Variants in FAT4 observed in about 807,000 individuals in gnomAD.
FAT4 encodes the protein protocadherin Fat 4.
A neutral mutation model predicts 303.9 loss-of-function variants in FAT4; 84 were observed. That is an observed-to-expected ratio of 0.28 (90% CI 0.23 to 0.33). FAT4 has a LOEUF of 0.33. FAT4 is among the 10% of genes least tolerant of loss of function. The probability of loss-of-function intolerance (pLI) is 1.00; values close to 1 mark genes in which losing one functional copy is unlikely to be tolerated. For missense variants in FAT4, 6,005 were observed against 6,146.8 expected (o/e 0.98, Z 0.77); for synonymous variants, 2,307 against 2,298.8 (o/e 1.00, Z -0.10).
chr4:125,414,094 A>T (rs1465764720), intron 5 of FAT4, among the ~76,000 whole-genome samples: 1 of 151,980 alleles, frequency 6.6e-6, no homozygotes, highest in African/African-American at 2.4e-5. Flanking sequence ...TTCTGTTTTC[A>T]CTGCTTATTT....
intron 2 of FAT4, among the ~76,000 whole-genome samples, chr4:125,349,305 T>C (rs1732130805): frequency 6.6e-6 from 1 of 151,804 alleles, no homozygotes; most frequent in Non-Finnish European, 1.5e-5. Context: ...ATCTATACTA[T>C]ATTAACACAT....
chr4:125,449,944 T>C lies in FAT4; in HGVS notation c.8934T>C (p.Ser2978=). The part of the protein sequence containing the change: ...ETTVTINIVD[S]NDNAPQFLKS... ...CAGTTACCATCAATATAGTGGACAGTAATGACAATGCACCTCAATTTCTTA... is the reference window on the plus strand; with the variant it reads ...CAGTTACCATCAATATAGTGGACAGCAATGACAATGCACCTCAATTTCTTA... Residue 2978 remains serine (S), a synonymous_variant, in exon 10 of 18, where the codon AGT becomes AGC. Transcript: ENST00000394329. 6.2e-7 allele frequency: 1 copy of C among 1,613,876 alleles called. No homozygotes were observed. The highest frequency in any genetic ancestry group is 8.5e-7 in the Non-Finnish European group (1 of 1,179,908).
chr4:125,339,752 A>T (rs1001394297), intron 2 of FAT4, among the ~76,000 whole-genome samples: 1 of 152,182 alleles, frequency 6.6e-6, no homozygotes, highest in Non-Finnish European at 1.5e-5. Flanking sequence ...AATTAGGAAG[A>T]CCTAGAGCCA....
chr4:125,423,357 G>A (rs1560813641), intron 7 of FAT4, among the ~76,000 whole-genome samples: 1 of 152,140 alleles, frequency 6.6e-6, no homozygotes, highest in East Asian at 1.9e-4. Context: ...ACCTAGGGAT[G>A]TGGTGCCCCA....
At chr4:125,421,425 T>A (rs894923150) in intron 7 of FAT4, among the ~76,000 whole-genome samples, 45 of 152,356 alleles carry the variant, frequency 3.0e-4, no homozygotes, top group African/African-American at 9.6e-4. Context: ...ATTTTGGTGT[T>A]CACATAAATT....
chr4:125,458,980 A>G (rs939171361), intron 10 of FAT4, among the ~76,000 whole-genome samples: 2 of 152,028 alleles, frequency 1.3e-5, no homozygotes, highest in African/African-American at 4.8e-5. Context: ...TTTGGAAAAT[A>G]TATAAGATAA....
At chr4:125,404,262 G>C (rs1734501781) in intron 3 of FAT4, among the ~76,000 whole-genome samples, 1 of 151,768 alleles carries the variant, frequency 6.6e-6, no homozygotes, top group South Asian at 2.1e-4. Context: ...GGCCCCAACT[G>C]TATTCACAAT....
intron 12 of FAT4, among the ~76,000 whole-genome samples, chr4:125,469,823 A>C (rs1364402049): frequency 6.6e-6 from 1 of 152,058 alleles, no homozygotes. Flanking sequence ...ACTCCTTTTA[A>C]TATTTGATAT....
intron 7 of FAT4, among the ~76,000 whole-genome samples, chr4:125,424,906 G>A (rs1725036721): frequency 6.6e-6 from 1 of 152,130 alleles, no homozygotes; most frequent in Non-Finnish European, 1.5e-5. Context: ...GCACGAATCA[G>A]GCATGAGTCC....
At position 125,491,668 on chromosome 4, in the gene FAT4, A is replaced by G. The variant is rs1242037646; in HGVS notation, c.14852A>G (p.Asp4951Gly). 2.5e-6 allele frequency: 4 copies of G among 1,614,068 alleles called. No homozygotes were observed. The highest frequency in any genetic ancestry group is 1.7e-6 in the Non-Finnish European group (2 of 1,180,032). The stretch of plus-strand genomic sequence containing the variant: ...GGCCATTATGTAGATGTTTTTAAAG[A>G]TTTGGCATCTCTTCCAGAAAAAGCA... ...GFGHYVDVFK[D>G]LASLPEKAAA... Residue 4951 changes from aspartate to glycine, a missense_variant, in exon 18 of 18, where the codon GAT becomes GGT. Transcript: ENST00000394329.
At chr4:125,410,130 ACTTT>A (rs1220224636) in intron 5 of FAT4, among the ~76,000 whole-genome samples, 18 of 152,104 alleles carry the variant, frequency 1.2e-4, no homozygotes, top group Non-Finnish European at 2.9e-5. Flanking sequence ...AATGGGAAAT[ACTTT>A]CTTTAGAATT....
At chr4:125,415,844 A>T in intron 6 of FAT4, 38 bp downstream of exon 6, 1 of 1,468,360 alleles carries the variant, frequency 6.8e-7, no homozygotes. Context: ...TGTCTTAATT[A>T]TAAGACATCT....
At chr4:125,485,839 C>T (rs2126091262) in intron 16 of FAT4, among the ~76,000 whole-genome samples, 1 of 152,288 alleles carries the variant, frequency 6.6e-6, no homozygotes, top group Admixed American at 6.5e-5. Flanking sequence ...TATGACATTA[C>T]AATGGCTACT....
chr4:125,412,973 GT>G (rs1400221789), intron 5 of FAT4, among the ~76,000 whole-genome samples: 2 of 151,584 alleles, frequency 1.3e-5, no homozygotes, highest in Non-Finnish European at 3.0e-5. Flanking sequence ...TTCTTAAAAA[GT>G]AATTAAACGT....
In FAT4 at chr4:125,449,018, A is replaced by G. The variant is rs751270131; in HGVS notation, c.8008A>G (p.Ile2670Val). Residue 2670 changes from isoleucine (I) to valine (V), a missense_variant, in exon 10 of 18, where the codon ATT (isoleucine) becomes GTT (valine). Ile to Val is a conservative substitution (Grantham distance 29). Transcript: ENST00000394329. ...TVLDVNDNAP[I>V]FKEDPFISEI... ...ATTAGATGTCAATGATAATGCCCCA[A>G]TTTTTAAGGAAGACCCATTTATATC... The G allele has an allele frequency of 2.2e-5, 35 of 1,613,646 alleles. No homozygotes were observed. The highest frequency in any genetic ancestry group is 2.7e-5 in the African/African-American group (2 of 74,878).
At chr4:125,406,177 T>C (rs896503584) in intron 3 of FAT4, among the ~76,000 whole-genome samples, 5 of 152,194 alleles carry the variant, frequency 3.3e-5, no homozygotes, top group Non-Finnish European at 7.4e-5. Context: ...TTTAAATTGA[T>C]ATTTGTGTAT....
chr4:125,467,759 C>T (rs1238593833), intron 11 of FAT4, among the ~76,000 whole-genome samples: 3 of 152,036 alleles, frequency 2.0e-5, no homozygotes, highest in Non-Finnish European at 2.9e-5. Context: ...TTAAAAAAAT[C>T]AAAACAAATG....
In FAT4 at chr4:125,315,266, G is replaced by T. The variant is rs1045921375; in HGVS notation, c.-724G>T. Among the ~76,000 whole-genome samples the T allele has an allele frequency of 8.5e-5, 13 of 152,242 alleles. No homozygotes were observed. The highest frequency in any genetic ancestry group is 1.5e-4 in the Non-Finnish European group (10 of 68,010). The stretch of plus-strand genomic sequence containing the variant: ...GCGGAGGGCGTCACTACAGCCCAGC[G>T]CCGACTTCGCCGCCTCCGCTGCCAA... On this transcript the variant is annotated 5_prime_UTR_variant, in exon 1 of 18. Transcript: ENST00000394329.
intron 2 of FAT4, among the ~76,000 whole-genome samples, chr4:125,388,577 C>T (rs957887522): frequency 6.6e-6 from 1 of 152,168 alleles, no homozygotes; most frequent in Non-Finnish European, 1.5e-5. Flanking sequence ...GTTTCTTATG[C>T]AACCACACAT....
Sources: gnomAD v4.1 joint callset for allele counts (sites outside exome capture counted in the v4.1 genomes callset) on GRCh38, gnomAD v4.1.1 for gene constraint, MANE v1.5 for transcripts, NCBI Gene and HGNC (gene_info 2026-07-23, HGNC 2026-07-21) for gene names.